Variants in TBC1D4 observed in about 807,000 individuals in gnomAD.
The protein encoded by TBC1D4 is TBC (Tre-2, BUB2, CDC16) domain-containing protein.
A neutral mutation model predicts 142.5 loss-of-function variants in TBC1D4; 121 were observed. That is an observed-to-expected ratio of 0.85 (90% CI 0.73 to 0.99). The LOEUF (loss-of-function observed/expected upper bound fraction) is 0.99, where lower values mean the gene tolerates loss of function less well. Among genes scored for constraint, TBC1D4 ranks in the 50% least tolerant of loss-of-function variants. The probability of loss-of-function intolerance (pLI) is 0.00; values close to 1 mark genes in which losing one functional copy is unlikely to be tolerated. For missense variants in TBC1D4, 1,475 were observed against 1,606.6 expected (o/e 0.92, Z 1.40); for synonymous variants, 630 against 628.2 (o/e 1.00, Z -0.04).
rs536199470 is a variant in TBC1D4, at chr13:75,300,350, C to G, written c.2912-776G>C. ...GAGAGTTCTATACACAGAAACAAAT[C>G]CGTCTTCACATCAAAGCTGTCTATA... On this transcript the variant is annotated intron_variant, in intron 16 of 20. Coordinates refer to ENST00000377636, the MANE Select transcript of TBC1D4 (RefSeq NM_014832.5). Among the ~76,000 whole-genome samples the G allele has an allele frequency of 7.1e-4, 107 of 151,306 alleles. 1 individual carries two copies. Among genetic ancestry groups the G allele is most frequent in the Non-Finnish European group, 1.4e-3 (97 of 67,840 alleles).
chr13:75,426,848 C>T (rs1471972062), intron 1 of TBC1D4, among the ~76,000 whole-genome samples: 1 of 150,710 alleles, frequency 6.6e-6, no homozygotes, highest in African/African-American at 2.4e-5. Flanking sequence ...TTGAGATCAG[C>T]CCAGGCAACA....
chr13:75,389,565 AT>A (rs1884358067), intron 1 of TBC1D4, among the ~76,000 whole-genome samples: 1 of 152,126 alleles, frequency 6.6e-6, no homozygotes, highest in Non-Finnish European at 1.5e-5. Context: ...AGTTTTTGTT[AT>A]TTTTTAATGA....
At chr13:75,336,683 G>A (rs749807633) in intron 8 of TBC1D4, among the ~76,000 whole-genome samples, 1 of 152,170 alleles carries the variant, frequency 6.6e-6, no homozygotes, top group Non-Finnish European at 1.5e-5. Flanking sequence ...AGAGGTTGCA[G>A]TGAGCTGAGA....
intron 17 of TBC1D4, among the ~76,000 whole-genome samples, chr13:75,297,524 C>A (rs568375): frequency 0.051 from 7,768 of 152,116 alleles, 440 homozygotes; most frequent in African/African-American, 0.13. Context: ...GAGGTCAAGG[C>A]AGGTGGATCA....
chr13:75,312,632 T>C, intron 13 of TBC1D4, 106 bp downstream of exon 13: 5 of 1,458,992 alleles, frequency 3.4e-6, no homozygotes, highest in Non-Finnish European at 4.8e-6. Flanking sequence ...CAGAAAGATA[T>C]TTCTACACTG....
chr13:75,352,943 T>C (rs552630979), intron 4 of TBC1D4, among the ~76,000 whole-genome samples: 2 of 152,316 alleles, frequency 1.3e-5, no homozygotes, highest in South Asian at 4.1e-4. Flanking sequence ...CCATCCTCTA[T>C]TATGAAGGAA....
chr13:75,312,818 C>T lies in TBC1D4; in HGVS notation c.2303G>A (p.Arg768His), dbSNP rs375726955. Residue 768 changes from arginine (R) to histidine (H), a missense_variant, in exon 13 of 21, where the codon CGC becomes CAC. Physicochemically the swap from Arg to His is conservative, Grantham distance 29 (BLOSUM62 0). Coordinates refer to ENST00000377636, the MANE Select transcript of TBC1D4 (RefSeq NM_014832.5). ...AATGCGCTGCCGCCAGGAGATCCGG[C>T]GAGGAGTGACAGAGGTTCCTCCCAC... The part of the protein sequence containing the change: ...LSVGGTSVTP[R>H]RISWRQRIFL... 1.3e-5 allele frequency: 21 copies of T among 1,614,038 alleles called. No homozygotes were observed. The highest frequency in any genetic ancestry group is 6.7e-5 in the East Asian group (3 of 44,880).
chr13:75,400,390 C>T (rs1449670768), intron 1 of TBC1D4, among the ~76,000 whole-genome samples: 1 of 152,140 alleles, frequency 6.6e-6, no homozygotes. Context: ...CCACTACTTC[C>T]AATACACCCC....
intron 1 of TBC1D4, among the ~76,000 whole-genome samples, chr13:75,431,682 T>G (rs1886597365): frequency 6.6e-6 from 1 of 152,216 alleles, no homozygotes; most frequent in Admixed American, 6.5e-5. Context: ...TTACCAAAGA[T>G]CTTTACTAAG....
rs376333903 is a variant in TBC1D4 at position 75,326,237 on chromosome 13, G to T, written c.1993C>A (p.Arg665Ser). The T allele has an allele frequency of 1.2e-6, 2 of 1,614,136 alleles. No homozygotes were observed. The highest frequency in any genetic ancestry group is 1.1e-5 in the South Asian group (1 of 91,086). The change falls in exon 10 of 21, where the codon CGT becomes AGT. Residue 665 changes from arginine (R) to serine (S), a missense_variant. Around this residue, in one of 2 missense-constraint regions of TBC1D4, gnomAD observed 1,227 missense variants for 1,267.7 expected, o/e 0.97. Coordinates refer to ENST00000377636, the MANE Select transcript of TBC1D4 (RefSeq NM_014832.5). Reference protein sequence around the residue: ...NLQDGRAQGVRSPLLRQSSSE... With the variant: ...NLQDGRAQGVSSPLLRQSSSE... ...GAGCTCTGCCTCAGCAGAGGGGAAC[G>T]CACACCCTGAGCCCTCCCATCCTGC...
intron 1 of TBC1D4, among the ~76,000 whole-genome samples, chr13:75,368,142 T>C (rs762696322): frequency 3.3e-5 from 5 of 152,144 alleles, no homozygotes; most frequent in Non-Finnish European, 7.4e-5. Flanking sequence ...TAAAACTGAG[T>C]CTAGATTCAA....
chr13:75,449,034 T>C (rs1358479543), intron 1 of TBC1D4, among the ~76,000 whole-genome samples: 1 of 112,242 alleles, frequency 8.9e-6, no homozygotes, highest in African/African-American at 2.7e-5. Context: ...TGCATTCACA[T>C]ATTTGACTTA....
intron 1 of TBC1D4, among the ~76,000 whole-genome samples, chr13:75,367,617 C>T (rs1339307369): frequency 1.3e-5 from 2 of 151,810 alleles, no homozygotes; most frequent in African/African-American, 2.4e-5. Context: ...TAGTCTCACT[C>T]AAACAGAGAC....
chr13:75,445,708 T>C (rs1330636112), intron 1 of TBC1D4, among the ~76,000 whole-genome samples: 1 of 152,204 alleles, frequency 6.6e-6, no homozygotes, highest in African/African-American at 2.4e-5. Flanking sequence ...GTGACATACA[T>C]TGATTTAAGA....
chr13:75,372,482 C>T (rs2138216460), intron 1 of TBC1D4, among the ~76,000 whole-genome samples: 1 of 152,258 alleles, frequency 6.6e-6, no homozygotes, highest in South Asian at 2.1e-4. Context: ...GTTGGCCAGG[C>T]TGGTCTCAAA....
intron 1 of TBC1D4, among the ~76,000 whole-genome samples, chr13:75,455,486 A>G (rs2138258594): frequency 6.6e-6 from 1 of 152,340 alleles, no homozygotes; most frequent in East Asian, 1.9e-4. Flanking sequence ...ACAGGTCTAT[A>G]GTCCCAGCTG....
chr13:75,390,752 G>C (rs1178567623), intron 1 of TBC1D4, among the ~76,000 whole-genome samples: 1 of 150,154 alleles, frequency 6.7e-6, no homozygotes, highest in African/African-American at 2.5e-5. Flanking sequence ...TGTCAAAAGA[G>C]AAAAACCTCA....
intron 3 of TBC1D4, 80 bp from the exon 4 acceptor site, chr13:75,356,331 T>C: frequency 2.0e-6 from 2 of 986,750 alleles, no homozygotes; most frequent in Non-Finnish European, 3.1e-6. Flanking sequence ...GCAACATCAG[T>C]TCTTTGCTTT....
At chr13:75,441,740 T>C (rs1044543668) in intron 1 of TBC1D4, among the ~76,000 whole-genome samples, 2 of 152,198 alleles carry the variant, frequency 1.3e-5, no homozygotes, top group Admixed American at 1.3e-4. Context: ...AGAAACAGAA[T>C]GACAACCCTT....
Sources: gnomAD v4.1 joint callset for allele counts (sites outside exome capture counted in the v4.1 genomes callset) on GRCh38, gnomAD v4.1.1 for gene constraint, gnomAD v4.1.1 regional missense constraint, MANE v1.5 for transcripts, NCBI Gene and HGNC (gene_info 2026-07-23, HGNC 2026-07-21) for gene names.